STK33: variants seen among roughly 807,000 people sequenced by gnomAD.
STK33 encodes serine/threonine kinase 33.
In STK33, 52 loss-of-function variants were observed where a neutral mutation model predicts 58.0. The ratio of observed to expected loss-of-function variants is 0.90; its 90% confidence interval spans 0.72 to 1.13. The LOEUF (loss-of-function observed/expected upper bound fraction) is 1.13, where lower values mean the gene tolerates loss of function less well. Ranked by LOEUF, STK33 falls within the 50% of genes most tolerant of loss-of-function variation. The pLI is 0.00. For synonymous variants in STK33, 215 were observed against 200.1 expected (o/e 1.07, Z -0.63); for missense variants, 630 against 604.2 (o/e 1.04, Z -0.45).
At chr11:8,354,449 T>C in the STK33 span, among the ~76,000 whole-genome samples, 7,912 of 139,976 alleles carry the variant, frequency 0.057, 272 homozygotes, top group Non-Finnish European at 0.075. Flanking sequence ...CAGATCAACA[T>C]TCCAGAGTAC....
chr11:8,368,466 G>C, the STK33 span, among the ~76,000 whole-genome samples: 303 of 152,334 alleles, frequency 2.0e-3, 1 homozygote, highest in Non-Finnish European at 3.6e-3. Flanking sequence ...ACCCAGGATG[G>C]GCAGCCTGCC....
chr11:8,419,408 T>A (rs1941594587), intron 14 of STK33, among the ~76,000 whole-genome samples: 1 of 152,176 alleles, frequency 6.6e-6, no homozygotes, highest in East Asian at 1.9e-4. Context: ...GAGGTCTTAT[T>A]TCTGGGCTCT....
intron 1 of STK33, among the ~76,000 whole-genome samples, chr11:8,494,355 G>A (rs971438976): frequency 2.6e-4 from 39 of 152,108 alleles, no homozygotes; most frequent in Non-Finnish European, 4.9e-4. Flanking sequence ...TTGCTACAAA[G>A]AGAATAAAAT....
chr11:8,401,890 G>A (rs1938062984), intron 15 of STK33, among the ~76,000 whole-genome samples: 2 of 152,238 alleles, frequency 1.3e-5, no homozygotes, highest in African/African-American at 4.8e-5. Context: ...GGCCATCAGA[G>A]AAATGCAAAT....
intron 1 of STK33, among the ~76,000 whole-genome samples, chr11:8,512,364 A>T (rs1952404517): frequency 6.6e-6 from 1 of 152,180 alleles, no homozygotes; most frequent in Non-Finnish European, 1.5e-5. Context: ...GTCTCTAAAA[A>T]ATACAATCTA....
At chr11:8,516,402 C>T (rs1952785494) in intron 1 of STK33, among the ~76,000 whole-genome samples, 1 of 152,212 alleles carries the variant, frequency 6.6e-6, no homozygotes, top group South Asian at 2.1e-4. Context: ...CGAATAGGCA[C>T]AGCTCCAGTC....
At position 8,505,355 on chromosome 11, in the gene STK33, C is replaced by G. The variant is rs543582470; in HGVS notation, c.-465-24741G>C. Among the ~76,000 whole-genome samples, 3 of 152,252 alleles carry G rather than the reference C, an allele frequency of 2.0e-5. No homozygotes were observed. The East Asian group carries it at 5.8e-4, about 29-fold the overall frequency. Reference sequence around the variant, plus strand: ...GGAAGGAGCCTTAGAAGGCATGTATCGAAACTGTTCACTAGTGGAAGGACT... The same window carrying G: ...GGAAGGAGCCTTAGAAGGCATGTATGGAAACTGTTCACTAGTGGAAGGACT... On this transcript the variant is annotated intron_variant, in intron 1 of 15. Coordinates refer to ENST00000687296, the MANE Select transcript of STK33 (RefSeq NM_001352389.2).
intron 1 of STK33, among the ~76,000 whole-genome samples, chr11:8,512,934 G>C (rs1417462179): frequency 1.3e-5 from 2 of 152,114 alleles, no homozygotes; most frequent in Admixed American, 6.6e-5. Flanking sequence ...TTAGCACTGA[G>C]TTGCTTTTCA....
the STK33 span, among the ~76,000 whole-genome samples, chr11:8,361,891 T>C: frequency 2.6e-5 from 4 of 152,192 alleles, no homozygotes; most frequent in Admixed American, 6.5e-5. This position sits in a 1 kb window ranked among gnomAD's most constrained non-coding sequence, Gnocchi z 4.8. Context: ...GAGCCTGTGC[T>C]CACGCGGGCC....
chr11:8,419,099 G>A (rs974390290), intron 14 of STK33, among the ~76,000 whole-genome samples: 1 of 152,064 alleles, frequency 6.6e-6, no homozygotes, highest in Non-Finnish European at 1.5e-5. Context: ...CATACCACTT[G>A]TCATTTTTTG....
chr11:8,338,997 G>A, the STK33 span, among the ~76,000 whole-genome samples: 12 of 152,152 alleles, frequency 7.9e-5, no homozygotes, highest in Non-Finnish European at 1.0e-4. Context: ...CTTAGGCCCC[G>A]GCATCACTTT....
intron 1 of STK33, among the ~76,000 whole-genome samples, chr11:8,567,651 T>C (rs1375859242): frequency 6.6e-6 from 1 of 152,174 alleles, no homozygotes; most frequent in East Asian, 1.9e-4. Flanking sequence ...TGGGTAACCT[T>C]TTGTAGGAAA....
At chr11:8,501,818 C>T (rs1412416620) in intron 1 of STK33, among the ~76,000 whole-genome samples, 1 of 152,090 alleles carries the variant, frequency 6.6e-6, no homozygotes, top group East Asian at 1.9e-4. Context: ...TGCCCATCAG[C>T]TGATGAATAA....
At chr11:8,449,485 G>T (rs985575717) in intron 11 of STK33, among the ~76,000 whole-genome samples, 1 of 151,486 alleles carries the variant, frequency 6.6e-6, no homozygotes, top group Non-Finnish European at 1.5e-5. Context: ...CCTTTGTAGG[G>T]ACATGGATGA....
At chr11:8,354,346 A>C in the STK33 span, among the ~76,000 whole-genome samples, 1 of 151,830 alleles carries the variant, frequency 6.6e-6, no homozygotes, top group African/African-American at 2.4e-5. Flanking sequence ...CCCAGATAAA[A>C]TATCCTATCC....
the STK33 span, among the ~76,000 whole-genome samples, chr11:8,374,179 C>T: frequency 3.3e-5 from 5 of 152,134 alleles, no homozygotes; most frequent in Non-Finnish European, 7.4e-5. Context: ...TCTCTCTGTG[C>T]CACTGGGCTC....
intron 1 of STK33, among the ~76,000 whole-genome samples, chr11:8,547,526 T>C (rs1392614143): frequency 6.6e-6 from 1 of 152,258 alleles, no homozygotes; most frequent in East Asian, 1.9e-4. Flanking sequence ...GTATGTCTTC[T>C]TCTGAGAAGT....
At chr11:8,487,182 G>A (rs1439173691) in intron 1 of STK33, among the ~76,000 whole-genome samples, 1 of 152,106 alleles carries the variant, frequency 6.6e-6, no homozygotes, top group Non-Finnish European at 1.5e-5. Context: ...CTAGCACTTT[G>A]GGAGGCAGAG....
At chr11:8,446,361 C>G (rs768157865) in intron 11 of STK33, among the ~76,000 whole-genome samples, 2 of 151,930 alleles carry the variant, frequency 1.3e-5, no homozygotes, top group African/African-American at 4.8e-5. Flanking sequence ...AAGGGTTTTT[C>G]GTGTCCCTAT....
Sources: allele counts gnomAD v4.1 joint callset (sites outside exome capture counted in the v4.1 genomes callset), GRCh38; gene constraint gnomAD v4.1.1; non-coding constraint Gnocchi (gnomAD v3.1); transcripts MANE v1.5; gene names NCBI Gene and HGNC (gene_info 2026-07-23, HGNC 2026-07-21).